The following PPARG variants were observed in gnomAD, a reference collection of about 807,000 sequenced individuals.
PPARG encodes the protein peroxisome proliferator activated receptor gamma.
Under a neutral mutation model 39.2 loss-of-function variants are expected in PPARG, and 17 were observed. That is an observed-to-expected ratio of 0.43 (90% CI 0.30 to 0.65). The LOEUF (loss-of-function observed/expected upper bound fraction) is 0.65. Among genes scored for constraint, PPARG ranks in the 30% least tolerant of loss-of-function variants. PPARG has a pLI of 0.13. For missense variants in PPARG, 406 were observed against 585.9 expected, an observed-to-expected ratio of 0.69 and a Z score of 3.17; for synonymous variants, 223 against 215.7, an observed-to-expected ratio of 1.03 and a Z score of -0.30.
intron 3 of PPARG, among the ~76,000 whole-genome samples, 172 bp downstream of exon 3, chr3:12,380,103 G>T (rs2049588303): frequency 6.6e-6 from 1 of 152,036 alleles, no homozygotes; most frequent in Non-Finnish European, 1.5e-5. Flanking sequence ...GAAATGCCAG[G>T]AAGGGAGCTG....
intron 2 of PPARG, among the ~76,000 whole-genome samples, chr3:12,336,628 G>T (rs2048021285): frequency 6.6e-6 from 1 of 152,116 alleles, no homozygotes; most frequent in South Asian, 2.1e-4. Flanking sequence ...CTCCTTTAGA[G>T]TCCTCCAGAT....
chr3:12,383,951 G>A (rs1186951002), intron 4 of PPARG, among the ~76,000 whole-genome samples: 4 of 152,062 alleles, frequency 2.6e-5, no homozygotes, highest in Non-Finnish European at 5.9e-5. Context: ...GAAGACTCTA[G>A]GGGAGTCCTT....
chr3:12,299,129 C>G (rs1254403144), intron 1 of PPARG, among the ~76,000 whole-genome samples: 1 of 152,192 alleles, frequency 6.6e-6, no homozygotes, highest in African/African-American at 2.4e-5. Context: ...GCCACGCGCC[C>G]AGCCTGAAGC....
chr3:12,290,281 AG>A (rs1302956478), intron 1 of PPARG, among the ~76,000 whole-genome samples: 2 of 152,102 alleles, frequency 1.3e-5, no homozygotes, highest in Non-Finnish European at 2.9e-5. Flanking sequence ...TGAGGTATAA[AG>A]TTTTGTAGAA....
chr3:12,306,207 A>G (rs2047059023), intron 1 of PPARG, among the ~76,000 whole-genome samples: 1 of 152,180 alleles, frequency 6.6e-6, no homozygotes, highest in African/African-American at 2.4e-5. Flanking sequence ...AGAAGCATGC[A>G]ACATAGATCC....
chr3:12,394,789 T>C (rs557352243), intron 5 of PPARG, among the ~76,000 whole-genome samples: 3 of 152,342 alleles, frequency 2.0e-5, no homozygotes, highest in Non-Finnish European at 2.9e-5. Context: ...AATACAAAGT[T>C]TTCTAGGAAG....
In PPARG at chr3:12,335,178, G is replaced by C. The variant is rs114857705; in HGVS notation, c.-9+22725G>C. On this transcript the variant is annotated intron_variant, in intron 2 of 7. Coordinates refer to ENST00000651735, the MANE Select transcript of PPARG (RefSeq NM_138711.6). ...GCTCTGAATACTCTGCAAATAATAT[G>C]TGAGCACTGGTACCATCAAAGCATG... 9.5e-3 allele frequency among the ~76,000 whole-genome samples: 1,442 copies of C among 152,346 alleles called. 9 individuals carry two copies. Among genetic ancestry groups the C allele is most frequent in the Non-Finnish European group, 0.014 (973 of 68,040 alleles).
intron 5 of PPARG, among the ~76,000 whole-genome samples, chr3:12,398,623 G>C (rs1182400822): frequency 6.6e-6 from 1 of 152,138 alleles, no homozygotes; most frequent in Non-Finnish European, 1.5e-5. Flanking sequence ...TAAGGGAGAG[G>C]CACCATCAGA....
At chr3:12,300,497 G>A (rs13076055) in intron 1 of PPARG, among the ~76,000 whole-genome samples, 43,172 of 151,750 alleles carry the variant, frequency 0.28, 6,333 homozygotes, top group East Asian at 0.49. Flanking sequence ...TCTTTTTATC[G>A]TGAACATTAA....
chr3:12,321,188 C>G (rs1003216769), intron 2 of PPARG, among the ~76,000 whole-genome samples: 1 of 152,178 alleles, frequency 6.6e-6, no homozygotes, highest in Non-Finnish European at 1.5e-5. Flanking sequence ...GGCGTGGACT[C>G]ACTTCCTTTA....
At chr3:12,319,626 C>A (rs2047482850) in intron 2 of PPARG, among the ~76,000 whole-genome samples, 1 of 151,648 alleles carries the variant, frequency 6.6e-6, no homozygotes. Flanking sequence ...TAATTACATA[C>A]AATAGTAATT....
intron 2 of PPARG, among the ~76,000 whole-genome samples, chr3:12,363,189 G>A (rs2125123392): frequency 6.6e-6 from 1 of 152,194 alleles, no homozygotes; most frequent in Non-Finnish European, 1.5e-5. Context: ...CAAAGTGCTG[G>A]GATTACAGGT....
chr3:12,342,423 C>T (rs1262855744), intron 2 of PPARG, among the ~76,000 whole-genome samples: 1 of 152,066 alleles, frequency 6.6e-6, no homozygotes, highest in Non-Finnish European at 1.5e-5. Flanking sequence ...TGGAGCAAAC[C>T]AACTATAAAG....
intron 7 of PPARG, 42 bp downstream of exon 7, chr3:12,417,196 G>C: frequency 6.3e-7 from 1 of 1,597,130 alleles, no homozygotes; most frequent in Non-Finnish European, 8.5e-7. Flanking sequence ...AGGGTGGGAT[G>C]ATGGTGGGGT....
At chr3:12,381,788 T>G (rs1246366978) in intron 4 of PPARG, among the ~76,000 whole-genome samples, 1 of 152,204 alleles carries the variant, frequency 6.6e-6, no homozygotes, top group Non-Finnish European at 1.5e-5. Flanking sequence ...AAATTGATTC[T>G]TTGAGACACT....
chr3:12,315,378 C>T (rs1314517751), intron 2 of PPARG, among the ~76,000 whole-genome samples: 5 of 152,170 alleles, frequency 3.3e-5, no homozygotes, highest in Admixed American at 3.3e-4. Context: ...TGTATGTTGG[C>T]TTCAGTGTAT....
At chr3:12,310,744 T>G (rs2047210795) in intron 1 of PPARG, among the ~76,000 whole-genome samples, 1 of 72,916 alleles carries the variant, frequency 1.4e-5, no homozygotes, top group South Asian at 4.0e-4. Context: ...ATTACAGGCG[T>G]GAGCCACCGT....
intron 4 of PPARG, among the ~76,000 whole-genome samples, chr3:12,387,338 A>C (rs1378473645): frequency 6.6e-6 from 1 of 152,218 alleles, no homozygotes. Context: ...TTCCACCAAC[A>C]GTGTAAAAGC....
intron 2 of PPARG, among the ~76,000 whole-genome samples, chr3:12,357,169 G>C (rs1282905078): frequency 6.6e-6 from 1 of 151,980 alleles, no homozygotes; most frequent in African/African-American, 2.4e-5. Flanking sequence ...TCAAATGTGA[G>C]TCAGATCCGT....
Sources: gnomAD v4.1 joint callset for allele counts (sites outside exome capture counted in the v4.1 genomes callset) on GRCh38, gnomAD v4.1.1 for gene constraint, MANE v1.5 for transcripts, NCBI Gene and HGNC (gene_info 2026-07-23, HGNC 2026-07-21) for gene names.